Variants in KDR observed in about 807,000 individuals in gnomAD.
KDR encodes the protein vascular endothelial growth factor receptor 2.
KDR carries 43 observed loss-of-function variants against 160.9 expected under a neutral mutation model. That is an observed-to-expected ratio of 0.27 (90% CI 0.21 to 0.34). The LOEUF (loss-of-function observed/expected upper bound fraction) is 0.34, where lower values mean the gene tolerates loss of function less well. KDR is among the 10% of genes least tolerant of loss of function. The probability of loss-of-function intolerance (pLI) is 1.00; values close to 1 mark genes in which losing one functional copy is unlikely to be tolerated. For synonymous variants in KDR, 617 were observed against 600.1 expected (o/e 1.03, Z -0.41); for missense variants, 1,469 against 1,666.4 (o/e 0.88, Z 2.06).
Position 55,104,523 on chromosome 4 carries a change from T to C in KDR, c.1987+120A>G. 1.3e-5 allele frequency: 10 copies of C among 780,022 alleles called. 1 individual carries two copies. In the South Asian group the frequency reaches 1.3e-4, roughly 10 times the overall value. 48.3% of individuals were successfully genotyped at this position (780,022 alleles called of 1,614,324 possible). On this transcript the variant is annotated intron_variant, in intron 13 of 29. Transcript: ENST00000263923. ...TCCTCAAGGACTTTCGGTGAAGAAGTGTGCACCAGTTTACAACATAATCTC... is the reference window on the plus strand; with the variant it reads ...TCCTCAAGGACTTTCGGTGAAGAAGCGTGCACCAGTTTACAACATAATCTC...
chr4:55,124,195 A>C (rs1465727011), intron 1 of KDR, among the ~76,000 whole-genome samples: 1 of 151,576 alleles, frequency 6.6e-6, no homozygotes, highest in African/African-American at 2.4e-5. Context: ...GGAGTAAGAA[A>C]TTTTTTTCCC....
At chr4:55,095,262 G>A (rs992452065) in intron 20 of KDR, among the ~76,000 whole-genome samples, 5 of 152,024 alleles carry the variant, frequency 3.3e-5, no homozygotes, top group Admixed American at 2.0e-4. Context: ...TACACTCCAC[G>A]GGGCCAAATA....
At chr4:55,089,259 T>A in intron 25 of KDR, 115 bp downstream of exon 25, 1 of 769,726 alleles carries the variant, frequency 1.3e-6, no homozygotes, top group Non-Finnish European at 2.2e-6. Context: ...GGCCCCAAAG[T>A]AAAAGCAGGA....
chr4:55,119,692 A>G (rs1185511464), intron 2 of KDR, among the ~76,000 whole-genome samples: 1 of 152,176 alleles, frequency 6.6e-6, no homozygotes, highest in African/African-American at 2.4e-5. Flanking sequence ...CAGAGCAGCC[A>G]GGTAAGAGTG....
At position 55,114,122 on chromosome 4, in the gene KDR, T is replaced by C; in HGVS notation, c.798+4A>G. The C allele has an allele frequency of 6.2e-7, 1 of 1,613,978 alleles. No homozygotes were observed. The highest frequency in any genetic ancestry group is 8.5e-7 in the Non-Finnish European group (1 of 1,179,868). On this transcript the variant is annotated splice_donor_region_variant and intron_variant, in intron 6 of 29. Coordinates refer to ENST00000263923, the MANE Select transcript of KDR (RefSeq NM_002253.4). ...GAGGTCTGGCTTTGAATCATTAGCG[T>C]TACCTTCGAAGAAGGGTATTCCCAG...
intron 9 of KDR, among the ~76,000 whole-genome samples, chr4:55,110,184 C>G (rs975333414): frequency 6.6e-6 from 1 of 152,136 alleles, no homozygotes; most frequent in African/African-American, 2.4e-5. Flanking sequence ...TTGCATTTGT[C>G]CACCACAAAG....
intron 2 of KDR, 21 bp from the exon 3 acceptor site, chr4:55,118,821 A>G (rs763223467): frequency 6.3e-7 from 1 of 1,597,902 alleles, no homozygotes; most frequent in Non-Finnish European, 8.6e-7. Context: ...AATTTCAGGG[A>G]GGTATTAATA....
intron 29 of KDR, among the ~76,000 whole-genome samples, chr4:55,080,647 C>T (rs780603843): frequency 1.3e-5 from 2 of 152,206 alleles, no homozygotes; most frequent in Non-Finnish European, 2.9e-5. Flanking sequence ...ACTTTAATAA[C>T]TTGAAGCATG....
chr4:55,096,392 A>AG lies in KDR; in HGVS notation c.2615-51_2615-50insC, dbSNP rs202176656. 2.6e-3 allele frequency: 3,507 copies of AG among 1,346,878 alleles called. 59 individuals carry two copies. The African/African-American group carries it at 0.042, about 16-fold the overall frequency. 83.4% of individuals were successfully genotyped at this position (1,346,878 alleles called of 1,614,324 possible). On this transcript the variant is annotated intron_variant, in intron 18 of 29. Coordinates refer to ENST00000263923, the MANE Select transcript of KDR (RefSeq NM_002253.4). ...AATCATAGGTATGGACATTTCCTTC[A>AG]ATAATTGGGGTCCCTCCCTCCCTGC...
intron 13 of KDR, among the ~76,000 whole-genome samples, chr4:55,103,289 C>T (rs1423618317): frequency 6.6e-6 from 1 of 152,184 alleles, no homozygotes; most frequent in Non-Finnish European, 1.5e-5. Flanking sequence ...TCCCAACCAA[C>T]TGAACATCAA....
rs2110010305 is a variant in KDR at position 55,088,957 on chromosome 4, C to T, written c.3421G>A (p.Asp1141Asn). The change falls in exon 26 of 30, where the codon GAC (aspartate) becomes AAC (asparagine). Residue 1141 changes from aspartate (D) to asparagine (N), a missense_variant. By Grantham distance (23) the Asp-to-Asn change is conservative. This residue lies in a region of KDR where 132 missense variants were observed against 195.9 expected (regional missense o/e 0.67). Coordinates refer to ENST00000263923, the MANE Select transcript of KDR (RefSeq NM_002253.4). Reference sequence around the variant, plus strand: ...TGACTGGGCTCCCCGTGCCAGCAGTCCAGCATGGTCTGGTACCTAGAGAAG... The same window carrying T: ...TGACTGGGCTCCCCGTGCCAGCAGTTCAGCATGGTCTGGTACCTAGAGAAG... ...TTPEMYQTML[D>N]CWHGEPSQRP... 6.2e-7 allele frequency: 1 copy of T among 1,613,406 alleles called. No individual in the cohort carries two copies. The highest frequency in any genetic ancestry group is 8.5e-7 in the Non-Finnish European group (1 of 1,179,360).
At chr4:55,114,652 C>T (rs933286768) in intron 5 of KDR, among the ~76,000 whole-genome samples, 25 of 152,150 alleles carry the variant, frequency 1.6e-4, no homozygotes, top group African/African-American at 4.8e-5. Context: ...CGCTTTCATC[C>T]TTTTTTTAAA....
intron 9 of KDR, 27 bp downstream of exon 9, chr4:55,110,376 G>A (rs1195192511): frequency 1.9e-6 from 3 of 1,610,070 alleles, no homozygotes; most frequent in East Asian, 4.5e-5. Context: ...TAAATCTTGG[G>A]CAGAGAGGAA....
chr4:55,122,772 C>T (rs1288488982), intron 1 of KDR: 1 of 152,114 alleles, frequency 6.6e-6, no homozygotes, highest in Non-Finnish European at 1.5e-5. Context: ...GTTCTTAAGA[C>T]TTTAGACTCT....
At chr4:55,085,379 A>G (rs1477272593) in intron 27 of KDR, among the ~76,000 whole-genome samples, 1 of 152,228 alleles carries the variant, frequency 6.6e-6, no homozygotes, top group African/African-American at 2.4e-5. Flanking sequence ...CCACAGTGAT[A>G]TCTCTGTCCA....
intron 14 of KDR, 129 bp from the exon 15 acceptor site, chr4:55,102,157 G>A (rs182143159): frequency 1.7e-5 from 24 of 1,382,006 alleles, no homozygotes; most frequent in Non-Finnish European, 2.1e-5. Flanking sequence ...GAGTCACATG[G>A]GATCTACTGC....
intron 13 of KDR, among the ~76,000 whole-genome samples, chr4:55,103,609 T>C (rs991994845): frequency 6.6e-6 from 1 of 152,134 alleles, no homozygotes; most frequent in Non-Finnish European, 1.5e-5. Flanking sequence ...TGGGGATGAC[T>C]TGACCCCAAA....
chr4:55,089,308 GT>G, intron 25 of KDR, 65 bp downstream of exon 25: 1 of 1,168,320 alleles, frequency 8.6e-7, no homozygotes, highest in South Asian at 1.3e-5. Flanking sequence ...ATAATGGAAA[GT>G]CTTCCAGGCA....
At chr4:55,102,554 T>C in intron 13 of KDR, 46 bp from the exon 14 acceptor site, 2 of 1,608,674 alleles carry the variant, frequency 1.2e-6, no homozygotes, top group South Asian at 1.1e-5. Context: ...TTATAACTTT[T>C]GAAATGGTTC....
Sources: allele counts gnomAD v4.1 joint callset (sites outside exome capture counted in the v4.1 genomes callset), GRCh38; gene constraint gnomAD v4.1.1; regional missense constraint gnomAD v4.1.1; transcripts MANE v1.5; gene names NCBI Gene and HGNC (gene_info 2026-07-23, HGNC 2026-07-21).